Variants in TDRD1 observed in about 807,000 individuals in gnomAD.
TDRD1 encodes the protein tudor domain-containing protein 1.
TDRD1 carries 37 observed loss-of-function variants against 140.6 expected under a neutral mutation model. That is an observed-to-expected ratio of 0.26 (90% CI 0.20 to 0.35). The LOEUF (loss-of-function observed/expected upper bound fraction) is 0.35. TDRD1 is among the 10% of genes least tolerant of loss of function. The pLI is 1.00. For missense variants in TDRD1, 1,243 were observed against 1,393.0 expected, an observed-to-expected ratio of 0.89 and a Z score of 1.71; for synonymous variants, 506 against 475.7, an observed-to-expected ratio of 1.06 and a Z score of -0.83.
chr10:114,178,725 A>G (rs962096235), upstream of TDRD1, among the ~76,000 whole-genome samples: 3 of 152,180 alleles, frequency 2.0e-5, no homozygotes, highest in African/African-American at 7.2e-5. Flanking sequence ...CACATTTACA[A>G]TTCTCGGATT....
intron 20 of TDRD1, among the ~76,000 whole-genome samples, chr10:114,222,289 C>T (rs1328634330): frequency 6.6e-6 from 1 of 152,110 alleles, no homozygotes; most frequent in African/African-American, 2.4e-5. Flanking sequence ...TGTAAAAATA[C>T]AGCTTAATAA....
chr10:114,219,503 C>T (rs145376206), intron 18 of TDRD1, among the ~76,000 whole-genome samples: 11 of 152,130 alleles, frequency 7.2e-5, no homozygotes, highest in Non-Finnish European at 1.2e-4. Context: ...GTGGTAAAGT[C>T]AGGCAGCATA....
chr10:114,184,183 T>TA (rs2033332540), intron 1 of TDRD1, among the ~76,000 whole-genome samples: 1 of 151,912 alleles, frequency 6.6e-6, no homozygotes, highest in Non-Finnish European at 1.5e-5. Context: ...TTTTTTTTTT[T>TA]TACTATAAAT....
chr10:114,211,629 G>A (rs1385980001), intron 13 of TDRD1, among the ~76,000 whole-genome samples: 3 of 152,220 alleles, frequency 2.0e-5, no homozygotes, highest in Non-Finnish European at 4.4e-5. Flanking sequence ...CTACTGGAGA[G>A]ACAAGGCATG....
intron 14 of TDRD1, 104 bp from the exon 15 acceptor site, chr10:114,213,242 A>G: frequency 2.0e-6 from 2 of 1,022,556 alleles, no homozygotes; most frequent in East Asian, 2.4e-5. Flanking sequence ...TTTCCGTTCC[A>G]GTGTTTGCCA....
chr10:114,178,066 C>T (rs1347613793), upstream of TDRD1, among the ~76,000 whole-genome samples: 5 of 152,050 alleles, frequency 3.3e-5, no homozygotes, highest in South Asian at 2.1e-4. Context: ...TGGTCTCGAA[C>T]TCCAGACCTC....
At chr10:114,217,390 T>G (rs547203032) in intron 16 of TDRD1, among the ~76,000 whole-genome samples, 155 bp from the exon 17 acceptor site, 2 of 152,194 alleles carry the variant, frequency 1.3e-5, no homozygotes, top group Non-Finnish European at 2.9e-5. Context: ...TGCCCAGTAG[T>G]TTTTTAATAA....
chr10:114,175,484 G>GA (rs968914371), upstream of TDRD1, among the ~76,000 whole-genome samples: 3 of 150,768 alleles, frequency 2.0e-5, no homozygotes, highest in East Asian at 1.9e-4. Context: ...TTTTTTTCGT[G>GA]AAAAAAAAGG....
intron 22 of TDRD1, 144 bp from the exon 23 acceptor site, chr10:114,226,928 T>C: frequency 1.7e-6 from 1 of 580,594 alleles, no homozygotes; most frequent in Non-Finnish European, 3.1e-6. Context: ...ATTTGTCTTT[T>C]GTAATGCAAC....
intron 3 of TDRD1, among the ~76,000 whole-genome samples, chr10:114,194,520 C>G (rs1030292186): frequency 1.3e-5 from 2 of 152,002 alleles, no homozygotes; most frequent in Non-Finnish European, 2.9e-5. Flanking sequence ...GTAATGTTCC[C>G]TATTTTATTC....
In TDRD1 at chr10:114,226,220, G is replaced by C; in HGVS notation, c.3175+4G>C. 1.9e-6 allele frequency: 3 copies of C among 1,604,620 alleles called. No individual in the cohort carries two copies. Among genetic ancestry groups the C allele is most frequent in the Non-Finnish European group, 2.6e-6 (3 of 1,175,494 alleles). On this transcript the variant is annotated splice_donor_region_variant and intron_variant, in intron 22 of 25. Coordinates refer to ENST00000251864, the Ensembl canonical transcript of TDRD1. The stretch of plus-strand genomic sequence containing the variant: ...ATTATTAGATGTTCACTTGAAGGTA[G>C]ACAGCTAAGTCACTTTCCAATTTAG...
intron 3 of TDRD1, among the ~76,000 whole-genome samples, chr10:114,195,405 T>C (rs1230078525): frequency 1.3e-5 from 2 of 152,212 alleles, no homozygotes; most frequent in Admixed American, 1.3e-4. Flanking sequence ...TATCTAGTCA[T>C]GTCAATTGTT....
upstream of TDRD1, among the ~76,000 whole-genome samples, chr10:114,176,565 AG>A: frequency 6.6e-6 from 1 of 152,344 alleles, no homozygotes; most frequent in East Asian, 1.9e-4. This position sits in a 1 kb window ranked among gnomAD's most constrained non-coding sequence, Gnocchi z 4.2. Flanking sequence ...ATCTCTAAAA[AG>A]AAAATTAAAA....
At chr10:114,196,776 C>T (rs2132894110) in intron 3 of TDRD1, among the ~76,000 whole-genome samples, 1 of 144,922 alleles carries the variant, frequency 6.9e-6, no homozygotes, top group African/African-American at 2.6e-5. Context: ...GGGGCTCACT[C>T]AGCTTCTTGA....
intron 18 of TDRD1, 43 bp from the exon 19 acceptor site, chr10:114,220,525 A>G (rs1373877679): frequency 6.6e-7 from 1 of 1,509,364 alleles, no homozygotes; most frequent in South Asian, 1.2e-5. Flanking sequence ...CAAAAATGAA[A>G]CTTGTTCATA....
At chr10:114,203,957 A>T in intron 8 of TDRD1, 116 bp from the exon 9 acceptor site, 1 of 1,209,186 alleles carries the variant, frequency 8.3e-7, no homozygotes, top group Non-Finnish European at 1.2e-6. Flanking sequence ...TTATTAATTG[A>T]GTGCCTCAGA....
At chr10:114,212,849 G>A (rs1310798785) in intron 14 of TDRD1, among the ~76,000 whole-genome samples, 1 of 152,114 alleles carries the variant, frequency 6.6e-6, no homozygotes, top group African/African-American at 2.4e-5. Flanking sequence ...GTAATTCTCA[G>A]TAAACTTACT....
At chr10:114,185,160 A>G (rs1031365097) in intron 1 of TDRD1, among the ~76,000 whole-genome samples, 1 of 152,170 alleles carries the variant, frequency 6.6e-6, no homozygotes, top group African/African-American at 2.4e-5. Flanking sequence ...TAATGATTCA[A>G]AGATTCCTGG....
chr10:114,192,822 A>G (rs2034081258), intron 3 of TDRD1, among the ~76,000 whole-genome samples: 1 of 152,208 alleles, frequency 6.6e-6, no homozygotes, highest in African/African-American at 2.4e-5. Context: ...TCTTTCCAGT[A>G]CCACACAGTC....
Sources: allele counts gnomAD v4.1 joint callset (sites outside exome capture counted in the v4.1 genomes callset), GRCh38; gene constraint gnomAD v4.1.1; non-coding constraint Gnocchi (gnomAD v3.1); transcripts MANE v1.5; gene names NCBI Gene and HGNC (gene_info 2026-07-23, HGNC 2026-07-21).